Variants in SCNN1B observed in about 807,000 individuals in gnomAD.
SCNN1B encodes epithelial sodium channel subunit beta.
A neutral mutation model predicts 65.3 loss-of-function variants in SCNN1B; 46 were observed. That is an observed-to-expected ratio of 0.70 (90% confidence interval 0.56 to 0.90). The LOEUF (loss-of-function observed/expected upper bound fraction) is 0.90, where lower values mean the gene tolerates loss of function less well. Among genes scored for constraint, SCNN1B ranks in the 40% least tolerant of loss-of-function variants. The pLI, the probability that SCNN1B is intolerant of heterozygous loss-of-function variation, is 0.00. For missense variants in SCNN1B, 751 were observed against 830.5 expected (o/e 0.90, Z 1.18); for synonymous variants, 349 against 330.6 (o/e 1.06, Z -0.60).
intron 7 of SCNN1B, among the ~76,000 whole-genome samples, chr16:23,375,162 G>T (rs565042655): frequency 6.6e-6 from 1 of 152,216 alleles, no homozygotes; most frequent in South Asian, 2.1e-4. Context: ...CTGCCTGGGA[G>T]CCCTCCTCTT....
At chr16:23,306,084 A>G (rs1167436923) in intron 1 of SCNN1B, among the ~76,000 whole-genome samples, 1 of 151,956 alleles carries the variant, frequency 6.6e-6, no homozygotes, top group East Asian at 1.9e-4. Flanking sequence ...CTCTAGTAAA[A>G]ATACAGAAAT....
At chr16:23,360,498 A>G (rs566592369) in intron 4 of SCNN1B, among the ~76,000 whole-genome samples, 408 of 152,082 alleles carry the variant, frequency 2.7e-3, no homozygotes, top group Non-Finnish European at 3.0e-3. Flanking sequence ...GCAGTGAACC[A>G]AGATCACACC....
At chr16:23,278,734 C>T (rs1255769373) in intron 1 of SCNN1B, among the ~76,000 whole-genome samples, 1 of 151,976 alleles carries the variant, frequency 6.6e-6, no homozygotes, top group Non-Finnish European at 1.5e-5. Context: ...AGCTTAAGAT[C>T]AGCCTGGGCA....
At chr16:23,316,578 CCATCACCATCTTCACCACCATCACCAT>C (rs1202944103) in intron 1 of SCNN1B, among the ~76,000 whole-genome samples, 1,725 of 131,900 alleles carry the variant, frequency 0.013, 44 homozygotes, top group African/African-American at 0.069. Flanking sequence ...ACCATCACCA[CCATCACCATCTTCACCACCATCACCAT>C]CATCACCATC....
At chr16:23,319,031 G>T (rs979637823) in intron 1 of SCNN1B, among the ~76,000 whole-genome samples, 10 of 136,900 alleles carry the variant, frequency 7.3e-5, no homozygotes, top group Non-Finnish European at 1.5e-4. Flanking sequence ...TTTTTTGGGG[G>T]TTTTGTTTGT....
At chr16:23,333,185 G>A (rs1304663839) in intron 1 of SCNN1B, among the ~76,000 whole-genome samples, 2 of 139,082 alleles carry the variant, frequency 1.4e-5, no homozygotes, top group Middle Eastern at 7.4e-3. Flanking sequence ...AAGGAAGGAA[G>A]GAAGGAAGGA....
chr16:23,352,760 A>G, intron 2 of SCNN1B, 41 bp from the exon 3 acceptor site: 1 of 1,610,668 alleles, frequency 6.2e-7, no homozygotes, highest in South Asian at 1.1e-5. Context: ...TGCTTTACAG[A>G]TATGCATTCC....
Position 23,348,899 on chromosome 16 carries a change from TAGCCCCTTCA to T in SCNN1B, c.303_311+1del. The T allele has an allele frequency of 6.2e-7, 1 of 1,614,162 alleles. No homozygotes were observed. Among genetic ancestry groups the T allele is most frequent in the Non-Finnish European group, 8.5e-7 (1 of 1,180,012 alleles). On this transcript the variant is annotated frameshift_variant and splice_region_variant, in exon 2 of 13. Coordinates refer to ENST00000343070, the MANE Select transcript of SCNN1B (RefSeq NM_000336.3). LOFTEE classifies it high-confidence loss of function. This position sits in a 1 kb window ranked among gnomAD's most constrained non-coding sequence, Gnocchi z 4.5. ...TCCCTGCCGTCACCATCTGCAATGC[TAGCCCCTTCA>T]AGTAGGTGGCCCCGGAGTGCACAGC...
chr16:23,313,990 T>A (rs1255559826), intron 1 of SCNN1B, among the ~76,000 whole-genome samples: 4 of 151,974 alleles, frequency 2.6e-5, no homozygotes, highest in African/African-American at 9.7e-5. Context: ...TGGGGGTAGG[T>A]ACAGTTTTTT....
At chr16:23,305,535 T>TATATATATATATATATATA (rs1961180645) in intron 1 of SCNN1B, among the ~76,000 whole-genome samples, 1 of 918 alleles carries the variant, frequency 1.1e-3, no homozygotes, top group Non-Finnish European at 2.4e-3. Context: ...ATATATATAT[T>TATATATATATATATATATA]ATATATATAT....
intron 10 of SCNN1B, among the ~76,000 whole-genome samples, chr16:23,378,350 C>G (rs1465347054): frequency 6.6e-6 from 1 of 152,198 alleles, no homozygotes; most frequent in Non-Finnish European, 1.5e-5. Context: ...GGGAAGGCCT[C>G]TCTGAAAAGG....
intron 1 of SCNN1B, among the ~76,000 whole-genome samples, chr16:23,280,093 CAGTT>C (rs1466284610): frequency 1.3e-5 from 2 of 152,238 alleles, no homozygotes; most frequent in South Asian, 2.1e-4. Flanking sequence ...CCATCACCAA[CAGTT>C]AGTAGTAACA....
At chr16:23,375,717 T>C in intron 7 of SCNN1B, 21 bp from the exon 8 acceptor site, 1 of 1,550,188 alleles carries the variant, frequency 6.5e-7, no homozygotes, top group Non-Finnish European at 8.9e-7. Flanking sequence ...TCTCTCCTTA[T>C]GAACCCCCTA....
Position 23,380,933 on chromosome 16 carries a change from A to G in SCNN1B, c.*132A>G, listed in dbSNP as rs1963039127. On this transcript the variant is annotated 3_prime_UTR_variant, in exon 13 of 13. Transcript: ENST00000343070. The surrounding 1 kb of genome is among the most constrained non-coding windows in gnomAD (Gnocchi z 5.4). ...TCCAGGCCAGAGCTTGTGTCCTTCA[A>G]CAGAGAGGCCAGCGGCAACTGGTCC... 1 of 988,776 alleles carries G rather than the reference A, an allele frequency of 1.0e-6. No individual in the cohort carries two copies. The highest frequency in any genetic ancestry group is 1.6e-6 in the Non-Finnish European group (1 of 623,472). The allele number at this position is 988,776 out of a possible 1,614,324, so 61.3% of individuals were successfully genotyped here.
chr16:23,367,120 C>T (rs1962685238), intron 4 of SCNN1B, among the ~76,000 whole-genome samples: 1 of 152,166 alleles, frequency 6.6e-6, no homozygotes, highest in African/African-American at 2.4e-5. Context: ...ATTTCGGGCC[C>T]ACCTGGATAA....
rs139950628 is a variant in SCNN1B, at chr16:23,348,881, C to T, written c.282C>T (p.Ala94=). ...GCTTCAAGACCATGGACTTCCCTGCCGTCACCATCTGCAATGCTAGCCCCT... is the reference window on the plus strand; with the variant it reads ...GCTTCAAGACCATGGACTTCCCTGCTGTCACCATCTGCAATGCTAGCCCCT... The part of the protein sequence containing the change: ...SVGFKTMDFP[A]VTICNASPFK... Residue 94 remains alanine, a synonymous_variant, in exon 2 of 13, where the codon GCC becomes GCT. Coordinates refer to ENST00000343070, the MANE Select transcript of SCNN1B (RefSeq NM_000336.3). The surrounding 1 kb of genome is among the most constrained non-coding windows in gnomAD (Gnocchi z 4.5). The T allele has an allele frequency of 9.9e-4, 1,596 of 1,614,142 alleles. 10 individuals carry two copies. In the African/African-American group the frequency reaches 0.016, roughly 16 times the overall value.
intron 1 of SCNN1B, among the ~76,000 whole-genome samples, chr16:23,318,290 A>G (rs1961513932): frequency 6.6e-6 from 1 of 152,130 alleles, no homozygotes; most frequent in Non-Finnish European, 1.5e-5. Flanking sequence ...CTGTGCTTCC[A>G]TCTCCTCGTC....
Position 23,380,349 on chromosome 16 carries a change from A to G in SCNN1B, c.1543-72A>G. The G allele has an allele frequency of 3.7e-6, 6 of 1,611,114 alleles. No homozygotes were observed. In the South Asian group the frequency reaches 5.5e-5, roughly 15 times the overall value. The stretch of plus-strand genomic sequence containing the variant: ...CGTTCCCACCCAAGAATCACCTCCC[A>G]GGAAGCTGTGAGGCTGGGCTAGAGG... On this transcript the variant is annotated intron_variant, in intron 12 of 12. Transcript: ENST00000343070. The surrounding 1 kb of genome is among the most constrained non-coding windows in gnomAD (Gnocchi z 5.4).
intron 1 of SCNN1B, chr16:23,323,406 T>C: frequency 1.6e-6 from 1 of 613,832 alleles, no homozygotes; most frequent in South Asian, 2.0e-5. Context: ...GGCTCCAGCA[T>C]GTGGTTGCAT....
Sources: allele counts gnomAD v4.1 joint callset (sites outside exome capture counted in the v4.1 genomes callset), GRCh38; gene constraint gnomAD v4.1.1; non-coding constraint Gnocchi (gnomAD v3.1); transcripts MANE v1.5; gene names NCBI Gene and HGNC (gene_info 2026-07-23, HGNC 2026-07-21).